Variants in PTPRD observed in about 807,000 individuals in gnomAD.
The protein encoded by PTPRD is protein tyrosine phosphatase receptor type D.
In PTPRD, 34 loss-of-function variants were observed where a neutral mutation model predicts 214.5. The ratio of observed to expected loss-of-function variants is 0.16; its 90% confidence interval spans 0.12 to 0.21. PTPRD has a LOEUF of 0.21. Ranked by LOEUF, PTPRD falls within the 10% of genes least tolerant of loss-of-function variation. The probability of loss-of-function intolerance (pLI) is 1.00; values close to 1 mark genes in which losing one functional copy is unlikely to be tolerated. For missense variants in PTPRD, 2,545 were observed against 2,398.7 expected (o/e 1.06, Z -1.27); for synonymous variants, 1,128 against 845.7 (o/e 1.33, Z -5.79).
At position 8,554,187 on chromosome 9, in the gene PTPRD, C is replaced by CAAACA. The variant is rs770760077; in HGVS notation, c.353-25413_353-25409dup. On this transcript the variant is annotated intron_variant, in intron 14 of 45. Transcript: ENST00000381196. Reference sequence around the variant, plus strand: ...TAAACGACAGGGCAAGACTCTGTCTCAAACAAAACAAAACAAAACAAAACC... The same window carrying CAAACA: ...TAAACGACAGGGCAAGACTCTGTCTCAAACAAAACAAAACAAAACAAAACAAAACC... 5.2e-3 allele frequency among the ~76,000 whole-genome samples: 792 copies of CAAACA among 151,882 alleles called. 6 individuals are homozygous for CAAACA. The highest frequency in any genetic ancestry group is 0.018 in the African/African-American group (726 of 41,404).
At chr9:8,477,120 T>C (rs1009267998) in intron 30 of PTPRD, among the ~76,000 whole-genome samples, 1 of 144,836 alleles carries the variant, frequency 6.9e-6, no homozygotes, top group African/African-American at 2.7e-5. Context: ...TTGCTTGAAA[T>C]GAAAAAAAAA....
chr9:9,504,049 C>T (rs898575322), intron 8 of PTPRD, among the ~76,000 whole-genome samples: 4 of 151,670 alleles, frequency 2.6e-5, no homozygotes, highest in Non-Finnish European at 5.9e-5. Flanking sequence ...AAATGCACCA[C>T]ATAGTTACCA....
At chr9:10,506,373 A>G (rs1262528360) in intron 2 of PTPRD, among the ~76,000 whole-genome samples, 1 of 152,164 alleles carries the variant, frequency 6.6e-6, no homozygotes, top group East Asian at 1.9e-4. Flanking sequence ...CTATTAGCCA[A>G]AGTAGAGAAC....
At chr9:9,706,026 C>T (rs187396393) in intron 7 of PTPRD, among the ~76,000 whole-genome samples, 1 of 152,090 alleles carries the variant, frequency 6.6e-6, no homozygotes, top group African/African-American at 2.4e-5. Context: ...ATAATATCTT[C>T]TTGCAAATTA....
chr9:8,815,091 T>C (rs1276322382), intron 11 of PTPRD, among the ~76,000 whole-genome samples: 1 of 151,294 alleles, frequency 6.6e-6, no homozygotes, highest in Non-Finnish European at 1.5e-5. Flanking sequence ...AAAGGTGACA[T>C]CACTTTATAT....
intron 2 of PTPRD, among the ~76,000 whole-genome samples, chr9:10,480,786 G>A (rs1245986348): frequency 1.3e-5 from 2 of 152,040 alleles, no homozygotes; most frequent in Middle Eastern, 3.4e-3. Flanking sequence ...AAGCCTACAA[G>A]GAGAGTTAAC....
intron 11 of PTPRD, among the ~76,000 whole-genome samples, chr9:8,873,840 G>A (rs977775631): frequency 1.3e-5 from 2 of 152,090 alleles, no homozygotes; most frequent in African/African-American, 4.8e-5. Flanking sequence ...ATAGTCTCCT[G>A]GAGGCCATTG....
intron 2 of PTPRD, among the ~76,000 whole-genome samples, chr9:10,470,265 A>G: frequency 6.6e-6 from 1 of 152,120 alleles, no homozygotes; most frequent in East Asian, 1.9e-4. Context: ...CCATAAAAAA[A>G]TTAAAAACAA....
At chr9:10,572,104 G>A (rs748172394) in intron 2 of PTPRD, among the ~76,000 whole-genome samples, 12 of 152,082 alleles carry the variant, frequency 7.9e-5, no homozygotes, top group Non-Finnish European at 1.2e-4. Context: ...ATAAGGCCAC[G>A]ATTATTAGAA....
chr9:9,902,876 C>G (rs1419519006), intron 5 of PTPRD, among the ~76,000 whole-genome samples: 1 of 152,110 alleles, frequency 6.6e-6, no homozygotes, highest in Admixed American at 6.6e-5. Flanking sequence ...TTTCAACACA[C>G]AGCAACATTT....
intron 3 of PTPRD, among the ~76,000 whole-genome samples, chr9:10,243,268 T>C (rs2091465754): frequency 1.3e-5 from 2 of 152,034 alleles, no homozygotes; most frequent in Non-Finnish European, 2.9e-5. Context: ...TTATATGCTA[T>C]CTTTTGTAAG....
intron 10 of PTPRD, among the ~76,000 whole-genome samples, chr9:9,026,784 T>C (rs1667417592): frequency 6.6e-6 from 1 of 151,930 alleles, no homozygotes; most frequent in African/African-American, 2.4e-5. Context: ...ATAAGAACTA[T>C]GATTAACAAA....
At position 9,937,149 on chromosome 9, in the gene PTPRD, G is replaced by T. The variant is rs905109056; in HGVS notation, c.-368+1358C>A. On this transcript the variant is annotated intron_variant, in intron 5 of 45. Coordinates refer to ENST00000381196, the MANE Select transcript of PTPRD (RefSeq NM_002839.4). ...TAGATGATGAGTTAATGGGTGCAGC[G>T]CACCAGCATGGCACATGTATACATA... is the stretch of plus-strand genomic sequence containing the variant. 3.3e-5 allele frequency among the ~76,000 whole-genome samples: 5 copies of T among 151,736 alleles called. No individual in the cohort carries two copies. In the East Asian group the frequency reaches 5.8e-4, roughly 18 times the overall value.
intron 3 of PTPRD, among the ~76,000 whole-genome samples, chr9:10,315,883 G>A (rs886511740): frequency 6.6e-6 from 1 of 151,768 alleles, no homozygotes; most frequent in Non-Finnish European, 1.5e-5. Context: ...TAAGAAATGA[G>A]TCTTTCTCAT....
At chr9:9,686,535 C>T (rs2097170168) in intron 7 of PTPRD, among the ~76,000 whole-genome samples, 1 of 151,404 alleles carries the variant, frequency 6.6e-6, no homozygotes, top group Non-Finnish European at 1.5e-5. Flanking sequence ...TCTATGCTGA[C>T]AGAAGTCCAA....
intron 5 of PTPRD, among the ~76,000 whole-genome samples, chr9:9,835,235 C>A (rs1020043442): frequency 6.6e-6 from 1 of 152,088 alleles, no homozygotes; most frequent in African/African-American, 2.4e-5. Flanking sequence ...CAGGATAATA[C>A]ATTCCAAAAT....
Position 10,573,441 on chromosome 9 carries a change from C to G in PTPRD, c.-600+38957G>C, listed in dbSNP as rs528721135. 6.6e-5 allele frequency among the ~76,000 whole-genome samples: 10 copies of G among 152,274 alleles called. No individual in the cohort carries two copies. The South Asian group carries it at 2.1e-3, about 32-fold the overall frequency. The stretch of plus-strand genomic sequence containing the variant: ...AGTTCAGATATCCTCATAGTGCACA[C>G]AGGTCCAGTCATTTTGTTAGGAACA... On this transcript the variant is annotated intron_variant, in intron 2 of 45. Transcript: ENST00000381196.
At chr9:9,681,965 A>T (rs1483086678) in intron 7 of PTPRD, among the ~76,000 whole-genome samples, 1 of 151,798 alleles carries the variant, frequency 6.6e-6, no homozygotes, top group African/African-American at 2.4e-5. Context: ...AGCATTCTAG[A>T]GATTAGGAAA....
chr9:9,276,086 G>A (rs116151180), intron 9 of PTPRD, among the ~76,000 whole-genome samples: 1,927 of 151,412 alleles, frequency 0.013, 43 homozygotes, highest in African/African-American at 0.044. Context: ...CTTGTCTAAT[G>A]TTGCTTAACC....
Sources: allele counts gnomAD v4.1 joint callset (sites outside exome capture counted in the v4.1 genomes callset), GRCh38; gene constraint gnomAD v4.1.1; transcripts MANE v1.5; gene names NCBI Gene and HGNC (gene_info 2026-07-23, HGNC 2026-07-21).